WDR7: variants seen among roughly 807,000 people sequenced by gnomAD.
WDR7 encodes WD repeat domain 7, also known as WD repeat-containing protein 7.
WDR7 carries 46 observed loss-of-function variants against 169.4 expected under a neutral mutation model. The observed-to-expected ratio is 0.27, with a 90% confidence interval of 0.21 to 0.35. The LOEUF (loss-of-function observed/expected upper bound fraction) is 0.35, where lower values mean the gene tolerates loss of function less well. Among genes scored for constraint, WDR7 ranks in the 10% least tolerant of loss-of-function variants. The pLI is 1.00. For synonymous variants in WDR7, 612 were observed against 666.8 expected (o/e 0.92, Z 1.27); for missense variants, 1,534 against 1,859.3 (o/e 0.83, Z 3.22).
At chr18:57,004,716 T>C (rs1222910039) in intron 26 of WDR7, among the ~76,000 whole-genome samples, 1 of 152,186 alleles carries the variant, frequency 6.6e-6, no homozygotes, top group African/African-American at 2.4e-5. Context: ...ATTTCTTGTA[T>C]TTAAAGTTAT....
chr18:56,985,947 T>TC (rs1327266728), intron 26 of WDR7, among the ~76,000 whole-genome samples: 1 of 152,192 alleles, frequency 6.6e-6, no homozygotes, highest in Non-Finnish European at 1.5e-5. Context: ...AAGGGGCAAT[T>TC]ACTCTAAATT....
At chr18:56,836,840 AT>A (rs1444243355) in intron 20 of WDR7, among the ~76,000 whole-genome samples, 1 of 152,192 alleles carries the variant, frequency 6.6e-6, no homozygotes, top group Non-Finnish European at 1.5e-5. Context: ...ATTTAACAGC[AT>A]TTTCAGTAAT....
intron 13 of WDR7, among the ~76,000 whole-genome samples, chr18:56,720,534 G>A (rs1368717399): frequency 2.0e-5 from 3 of 152,012 alleles, no homozygotes; most frequent in Non-Finnish European, 2.9e-5. Flanking sequence ...AACTTGTCTG[G>A]GACTTGTTCA....
chr18:56,869,455 A>G (rs1031903066), intron 20 of WDR7, among the ~76,000 whole-genome samples: 2 of 152,218 alleles, frequency 1.3e-5, no homozygotes. Context: ...CAACACCAGC[A>G]GCAAAAGCCT....
chr18:56,711,545 G>GTT (rs530280281), intron 12 of WDR7, among the ~76,000 whole-genome samples: 1 of 150,392 alleles, frequency 6.6e-6, no homozygotes, highest in African/African-American at 2.4e-5. Context: ...TTTCTTCAGT[G>GTT]TTTTTTTTTA....
intron 26 of WDR7, among the ~76,000 whole-genome samples, chr18:56,975,470 G>C (rs1033090057): frequency 1.3e-5 from 2 of 152,096 alleles, no homozygotes; most frequent in African/African-American, 4.8e-5. Flanking sequence ...AAGCCTAATG[G>C]TTAGGAGGAA....
At chr18:56,684,732 TA>T (rs1186386489) in intron 5 of WDR7, among the ~76,000 whole-genome samples, 5 of 152,052 alleles carry the variant, frequency 3.3e-5, no homozygotes, top group Non-Finnish European at 7.3e-5. Flanking sequence ...TGTTAATAGG[TA>T]TTTGTCAAAA....
chr18:56,694,540 C>A, intron 9 of WDR7, 79 bp from the exon 10 acceptor site: 1 of 1,408,134 alleles, frequency 7.1e-7, no homozygotes, highest in Admixed American at 2.1e-5. Flanking sequence ...TACCTAATAT[C>A]TTTGTTTGAA....
At chr18:56,710,365 G>C (rs1160212715) in intron 12 of WDR7, among the ~76,000 whole-genome samples, 1 of 152,056 alleles carries the variant, frequency 6.6e-6, no homozygotes, top group Non-Finnish European at 1.5e-5. Context: ...ATATCCATGT[G>C]ATTATACTGT....
At chr18:56,962,789 A>C (rs1787459) in intron 26 of WDR7, among the ~76,000 whole-genome samples, 152,238 of 152,268 alleles carry the variant, frequency 1, 76,104 homozygotes, top group Middle Eastern at 1. Flanking sequence ...TGCAATACAT[A>C]TTTTCTTGTT....
At chr18:57,030,801 A>T (rs1324955413), downstream of WDR7, 2 of 152,160 alleles carry the variant, frequency 1.3e-5, no homozygotes, top group Non-Finnish European at 2.9e-5. Context: ...AGAGATCGTC[A>T]ATACATACAA....
chr18:56,871,543 C>T (rs2045953655), intron 20 of WDR7, among the ~76,000 whole-genome samples: 2 of 152,100 alleles, frequency 1.3e-5, no homozygotes, highest in East Asian at 1.9e-4. Flanking sequence ...TCTTTGTACA[C>T]GTATGATTCT....
intron 20 of WDR7, among the ~76,000 whole-genome samples, chr18:56,866,382 A>T (rs574010468): frequency 6.6e-6 from 1 of 152,088 alleles, no homozygotes; most frequent in East Asian, 1.9e-4. Flanking sequence ...TGTAGTAGGC[A>T]TATAATTATG....
At chr18:57,014,064 G>A (rs1187922641) in intron 26 of WDR7, among the ~76,000 whole-genome samples, 2 of 152,134 alleles carry the variant, frequency 1.3e-5, no homozygotes, top group Admixed American at 6.5e-5. Flanking sequence ...AGTGGTTCAC[G>A]CCTATAATCC....
intron 26 of WDR7, 64 bp from the exon 27 acceptor site, chr18:57,020,679 TTG>T: frequency 2.1e-6 from 3 of 1,433,490 alleles, no homozygotes; most frequent in Non-Finnish European, 9.8e-7. Context: ...TTGAATGCAT[TTG>T]TGTGTGTACT....
chr18:56,961,086 A>C (rs2047333033), intron 25 of WDR7, among the ~76,000 whole-genome samples: 1 of 152,162 alleles, frequency 6.6e-6, no homozygotes, highest in South Asian at 2.1e-4. Context: ...ATTACTTGAT[A>C]ATAAGTAACA....
chr18:56,930,692 CA>C (rs1380926975), intron 22 of WDR7, among the ~76,000 whole-genome samples: 1 of 152,082 alleles, frequency 6.6e-6, no homozygotes, highest in Admixed American at 6.6e-5. Context: ...ATGGGAATAC[CA>C]GGGGCTATAC....
rs566597582 is a variant in WDR7 at position 57,005,425 on chromosome 18, A to G, written c.4165-15320A>G. On this transcript the variant is annotated intron_variant, in intron 26 of 27. Transcript: ENST00000254442. ...ACTCTCATCTCTGAGCAAGTAAAAT[A>G]TTTTTATGGAAAAATAAAATAGTGC... Among the ~76,000 whole-genome samples the G allele has an allele frequency of 2.0e-5, 3 of 152,284 alleles. No individual in the cohort carries two copies. In the South Asian group the frequency reaches 6.2e-4, roughly 32 times the overall value.
intron 20 of WDR7, among the ~76,000 whole-genome samples, chr18:56,835,575 A>G (rs1336477317): frequency 6.6e-6 from 1 of 152,218 alleles, no homozygotes; most frequent in Non-Finnish European, 1.5e-5. Flanking sequence ...GGGTAGGTAT[A>G]TGTAAGTATC....
Sources: allele counts gnomAD v4.1 joint callset (sites outside exome capture counted in the v4.1 genomes callset), GRCh38; gene constraint gnomAD v4.1.1; transcripts MANE v1.5; gene names NCBI Gene and HGNC (gene_info 2026-07-23, HGNC 2026-07-21).